NBEAL2: variants seen among roughly 807,000 people sequenced by gnomAD.
NBEAL2 encodes neurobeachin-like protein 2.
Under a neutral mutation model 299.8 loss-of-function variants are expected in NBEAL2, and 160 were observed. The observed-to-expected ratio is 0.53, with a 90% CI of 0.47 to 0.61. NBEAL2 has a LOEUF of 0.61. Ranked by LOEUF, NBEAL2 falls within the 20% of genes least tolerant of loss-of-function variation. The pLI is 0.00. For missense variants in NBEAL2, 3,112 were observed against 3,649.0 expected (o/e 0.85, Z 3.79); for synonymous variants, 1,493 against 1,542.3 (o/e 0.97, Z 0.75).
chr3:47,000,487 C>T lies in NBEAL2; in HGVS notation c.4305+83C>T, dbSNP rs2036894899. ...CACAGGGCTGGCAGTGTAGCCTCTC[C>T]AAAGGTGTGGCCCTGTCTGACCAGG... On this transcript the variant is annotated intron_variant, in intron 27 of 53. Transcript: ENST00000450053. The surrounding 1 kb of genome is among the most constrained non-coding windows in gnomAD (Gnocchi z 4.5). The T allele has an allele frequency of 2.7e-6, 4 of 1,500,364 alleles. No individual in the cohort carries two copies. The allele number at this position is 1,500,364 out of a possible 1,614,324, so 92.9% of individuals were successfully genotyped here.
Position 46,999,626 on chromosome 3 carries a change from C to T in NBEAL2, c.3704-4C>T, listed in dbSNP as rs201388862. On this transcript the variant is annotated splice_polypyrimidine_tract_variant and splice_region_variant and intron_variant, in intron 25 of 53. Coordinates refer to ENST00000450053, the MANE Select transcript of NBEAL2 (RefSeq NM_015175.3). ...CCTCAGGTCCCCCCAACCCATCCCC[C>T]CAGATTGCCTGAACCTCTCAGATCT... The T allele has an allele frequency of 3.7e-6, 6 of 1,609,652 alleles. No homozygotes were observed. The Admixed American group carries it at 8.3e-5, about 22-fold the overall frequency.
chr3:46,993,907 C>A, intron 10 of NBEAL2, 30 bp from the exon 11 acceptor site: 6 of 1,589,630 alleles, frequency 3.8e-6, no homozygotes, highest in Non-Finnish European at 5.1e-6. Context: ...CTGGCCCCTG[C>A]CTCTCCTGAT....
At chr3:46,992,452 T>A in intron 9 of NBEAL2, 23 bp from the exon 10 acceptor site, 1 of 1,591,664 alleles carries the variant, frequency 6.3e-7, no homozygotes, top group Admixed American at 1.7e-5. Context: ...TCCTCCACCC[T>A]GTGCCTCCCC....
rs757198814 is a variant in NBEAL2 at position 47,007,565 on chromosome 3, G to C, written c.7375G>C (p.Gly2459Arg). The C allele has an allele frequency of 1.2e-6, 2 of 1,612,438 alleles. No individual in the cohort carries two copies. The highest frequency in any genetic ancestry group is 3.3e-5 in the Admixed American group (2 of 59,912). ...LLSGPWVPGS[G>R]VSGQALAVAP... Reference sequence around the variant, plus strand: ...GAGTGGCCCGTGGGTGCCAGGCAGTGGTGTGAGTGGACAAGCACTGGCAGT... The same window carrying C: ...GAGTGGCCCGTGGGTGCCAGGCAGTCGTGTGAGTGGACAAGCACTGGCAGT... Residue 2459 changes from glycine to arginine, a missense_variant, in exon 48 of 54, where the codon GGT becomes CGT. Around this residue, in one of 3 missense-constraint regions of NBEAL2, gnomAD observed 521 missense variants for 729.6 expected, o/e 0.71. Transcript: ENST00000450053.
At position 46,989,288 on chromosome 3, in the gene NBEAL2, G is replaced by A. The variant is rs376604123; in HGVS notation, c.380G>A (p.Arg127Gln). The A allele has an allele frequency of 3.9e-5, 63 of 1,609,258 alleles. No homozygotes were observed. The highest frequency in any genetic ancestry group is 1.1e-4 in the African/African-American group (8 of 74,940). ...ELKGCPPPQG[R>Q]GTQLENVALH... ...AAAGGATGCCCACCACCCCAGGGCCGAGGCACGCAGTTGGAGAATGTGGCC... is the reference window on the plus strand; with the variant it reads ...AAAGGATGCCCACCACCCCAGGGCCAAGGCACGCAGTTGGAGAATGTGGCC... Residue 127 changes from arginine to glutamine, a missense_variant, in exon 5 of 54, where the codon CGA becomes CAA. Transcript: ENST00000450053. This position sits in a 1 kb window ranked among gnomAD's most constrained non-coding sequence, Gnocchi z 5.5.
At position 47,001,891 on chromosome 3, in the gene NBEAL2, G is replaced by T; in HGVS notation, c.4783-29G>T. On this transcript the variant is annotated intron_variant, in intron 30 of 53. Coordinates refer to ENST00000450053, the MANE Select transcript of NBEAL2 (RefSeq NM_015175.3). This position sits in a 1 kb window ranked among gnomAD's most constrained non-coding sequence, Gnocchi z 6.1. ...ATGTCGGGAGCTCCAAGAGTGGCTGGGTGCCACTCATCTCTCTTGCGCCCA... is the reference window on the plus strand; with the variant it reads ...ATGTCGGGAGCTCCAAGAGTGGCTGTGTGCCACTCATCTCTCTTGCGCCCA... 1 of 1,606,678 alleles carries T rather than the reference G, an allele frequency of 6.2e-7. No individual in the cohort carries two copies. The highest frequency in any genetic ancestry group is 8.5e-7 in the Non-Finnish European group (1 of 1,174,622).
rs773082746 is a variant in NBEAL2 at position 46,988,586 on chromosome 3, G to A, written c.52-83G>A. ...CTCTGTCCACCTCCATTCATTCTTC[G>A]CCTCTGTCTACATCCCCTTGTCCCT... is the stretch of plus-strand genomic sequence containing the variant. On this transcript the variant is annotated intron_variant, in intron 1 of 53. Transcript: ENST00000450053. This position sits in a 1 kb window ranked among gnomAD's most constrained non-coding sequence, Gnocchi z 4.4. The A allele has an allele frequency of 9.5e-6, 11 of 1,163,866 alleles. No individual in the cohort carries two copies. Among genetic ancestry groups the A allele is most frequent in the Admixed American group, 3.6e-5 (2 of 54,796 alleles). The allele number at this position is 1,163,866 out of a possible 1,614,324, so 72.1% of individuals were successfully genotyped here. A position where few individuals can be genotyped will look rare whatever the true frequency, so the allele number is the denominator to read the frequency against.
At position 46,995,727 on chromosome 3, in the gene NBEAL2, A is replaced by G; in HGVS notation, c.1912A>G (p.Ser638Gly). The G allele has an allele frequency of 6.2e-7, 1 of 1,613,508 alleles. No homozygotes were observed. The highest frequency in any genetic ancestry group is 8.5e-7 in the Non-Finnish European group (1 of 1,179,728). The change falls in exon 14 of 54, where the codon AGC becomes GGC. Residue 638 changes from serine to glycine, a missense_variant. This residue lies in a region of NBEAL2 where 2,243 missense variants were observed against 2,538.1 expected (regional missense o/e 0.88). Coordinates refer to ENST00000450053, the MANE Select transcript of NBEAL2 (RefSeq NM_015175.3). ...GCCTGCCCCCAGCTTCTTTACCAGC[A>G]GCGGCTCAGGGTTTGAGGCCTTCTT... ...RKQLYSFFTS[S>G]GSGFEAFFTA...
chr3:46,988,127 A>G lies in NBEAL2; in HGVS notation c.52-542A>G. 4 of 1,132,088 alleles carry G rather than the reference A, an allele frequency of 3.5e-6. No homozygotes were observed. The highest frequency in any genetic ancestry group is 4.5e-6 in the Non-Finnish European group (4 of 891,652). 70.1% of individuals were successfully genotyped at this position (1,132,088 alleles called of 1,614,324 possible). On this transcript the variant is annotated intron_variant, in intron 1 of 53. Transcript: ENST00000450053. This position sits in a 1 kb window ranked among gnomAD's most constrained non-coding sequence, Gnocchi z 4.4. ...TTCCCGGGGCAAGGCAGGGCCGCACATGAGGATGTGCGCATGTCTGGGTCT... is the reference window on the plus strand; with the variant it reads ...TTCCCGGGGCAAGGCAGGGCCGCACGTGAGGATGTGCGCATGTCTGGGTCT...
rs374152907 is a variant in NBEAL2, at chr3:47,001,260, T to C, written c.4485-19T>C. 1 of 1,601,886 alleles carries C rather than the reference T, an allele frequency of 6.2e-7. No individual in the cohort carries two copies. The highest frequency in any genetic ancestry group is 8.5e-7 in the Non-Finnish European group (1 of 1,171,080). ...GAAGATAGTCAGGTAGACCCTTGAG[T>C]TCCCCACTCACCCGCCAGCCTCCTG... On this transcript the variant is annotated intron_variant, in intron 28 of 53. Coordinates refer to ENST00000450053, the MANE Select transcript of NBEAL2 (RefSeq NM_015175.3). The surrounding 1 kb of genome is among the most constrained non-coding windows in gnomAD (Gnocchi z 6.1).
At chr3:46,998,662 CCTCT>C in intron 22 of NBEAL2, 51 bp from the exon 23 acceptor site, 3 of 1,553,412 alleles carry the variant, frequency 1.9e-6, no homozygotes, top group South Asian at 1.2e-5. Context: ...ACCTGCCCAC[CCTCT>C]CTCCCCGCCT....
rs770761759 is a variant in NBEAL2 at position 46,996,800 on chromosome 3, C to T, written c.2523C>T (p.Leu841=). The change falls in exon 17 of 54, where the codon CTC becomes CTT. Residue 841 remains leucine, a synonymous_variant. Coordinates refer to ENST00000450053, the MANE Select transcript of NBEAL2 (RefSeq NM_015175.3). ...PFKPEGELHE[L]STRLLLHYSP... ...AGCCTGAGGGGGAGCTGCATGAGCT[C>T]AGCACCAGGCTGCTCCTCCATTACT... The T allele has an allele frequency of 6.8e-6, 11 of 1,612,688 alleles. No individual in the cohort carries two copies. In the South Asian group the frequency reaches 1.1e-4, roughly 16 times the overall value.
chr3:46,993,859 C>A, intron 10 of NBEAL2, 78 bp from the exon 11 acceptor site: 1 of 1,340,244 alleles, frequency 7.5e-7, no homozygotes, highest in Non-Finnish European at 1.0e-6. Context: ...CTTGGCTCTG[C>A]ACCTTTTTTA....
rs776914702 is a variant in NBEAL2, at chr3:46,996,525, G to A, written c.2406G>A (p.Glu802=). ...GCAGCCCCACATCCCTGGAGGGTGAGCTGGGGGCTGTGGCCATCTTTCACG... is the reference window on the plus strand; with the variant it reads ...GCAGCCCCACATCCCTGGAGGGTGAACTGGGGGCTGTGGCCATCTTTCACG... ...RWGSPTSLEG[E]LGAVAIFHEA... Residue 802 remains glutamate, a synonymous_variant, in exon 16 of 54, where the codon GAG becomes GAA. Transcript: ENST00000450053. The A allele has an allele frequency of 6.4e-7, 1 of 1,555,986 alleles. No individual in the cohort carries two copies. The highest frequency in any genetic ancestry group is 2.3e-5 in the East Asian group (1 of 43,840).
rs778348194 is a variant in NBEAL2 at position 46,995,114 on chromosome 3, C to T, written c.1379C>T (p.Pro460Leu). The T allele has an allele frequency of 7.6e-6, 12 of 1,573,262 alleles. No homozygotes were observed. The highest frequency in any genetic ancestry group is 1.4e-5 in the African/African-American group (1 of 73,946). The change falls in exon 13 of 54, where the codon CCG becomes CTG. Residue 460 changes from proline to leucine, a missense_variant. This residue lies in a region of NBEAL2 where 2,243 missense variants were observed against 2,538.1 expected (regional missense o/e 0.88). Transcript: ENST00000450053. ...GTACTGGTGCTGGCGCAGTGGCTGC[C>T]GTCATTGCCCACCGCTGAGCTGCGG... ...QPVLVLAQWL[P>L]SLPTAELRLF...
In NBEAL2 at chr3:46,993,970, C is replaced by G. The variant is rs373692683; in HGVS notation, c.1147C>G (p.His383Asp). Residue 383 changes from histidine (H) to aspartate (D), a missense_variant, in exon 11 of 54, where the codon CAT (histidine) becomes GAT (aspartate). Physicochemically the swap from His to Asp is moderately conservative, Grantham distance 81. Coordinates refer to ENST00000450053, the MANE Select transcript of NBEAL2 (RefSeq NM_015175.3). ...LDQDTDAIAV[H>D]VVRVLTCIMS... ...CCAAGACACAGACGCCATTGCAGTC[C>G]ATGTAGTCAGAGTGCTGACCTGCAT... The G allele has an allele frequency of 5.6e-6, 9 of 1,611,990 alleles. No homozygotes were observed. The highest frequency in any genetic ancestry group is 7.6e-6 in the Non-Finnish European group (9 of 1,179,312).
chr3:46,997,067 G>A (rs779743660), intron 18 of NBEAL2, 21 bp downstream of exon 18: 5 of 1,605,326 alleles, frequency 3.1e-6, no homozygotes, highest in South Asian at 1.1e-5. Context: ...ACGTGTGGGT[G>A]GTGTGTGCAG....
At position 47,001,781 on chromosome 3, in the gene NBEAL2, T is replaced by G; in HGVS notation, c.4737T>G (p.Ile1579Met). 6.2e-7 allele frequency: 1 copy of G among 1,613,900 alleles called. No homozygotes were observed. The highest frequency in any genetic ancestry group is 1.3e-5 in the African/African-American group (1 of 75,050). ...CTGATCTCCGTGAGATGGCGCAGATTGGCCTACGGCTTGTACTTGGCTACA... is the reference window on the plus strand; with the variant it reads ...CTGATCTCCGTGAGATGGCGCAGATGGGCCTACGGCTTGTACTTGGCTACA... ...GTADLREMAQIGLRLVLGYIL... is the reference protein window; with the variant it reads ...GTADLREMAQMGLRLVLGYIL... The change falls in exon 30 of 54, where the codon ATT becomes ATG. Residue 1579 changes from isoleucine to methionine, a missense_variant. By Grantham distance (10) the Ile-to-Met change is conservative. This residue lies in a region of NBEAL2 where 2,243 missense variants were observed against 2,538.1 expected (regional missense o/e 0.88). Transcript: ENST00000450053. This position sits in a 1 kb window ranked among gnomAD's most constrained non-coding sequence, Gnocchi z 6.1.
rs755676727 is a variant in NBEAL2 at position 46,992,462 on chromosome 3, C to T, written c.1033-13C>T. 1 of 1,601,556 alleles carries T rather than the reference C, an allele frequency of 6.2e-7. No individual in the cohort carries two copies. Among genetic ancestry groups the T allele is most frequent in the Admixed American group, 1.7e-5 (1 of 58,840 alleles). On this transcript the variant is annotated splice_polypyrimidine_tract_variant and intron_variant, in intron 9 of 53. Coordinates refer to ENST00000450053, the MANE Select transcript of NBEAL2 (RefSeq NM_015175.3). Reference sequence around the variant, plus strand: ...TTGCCTCCTCCACCCTGTGCCTCCCCACTTCCCCACAGCTGTACCTGCAGT... The same window carrying T: ...TTGCCTCCTCCACCCTGTGCCTCCCTACTTCCCCACAGCTGTACCTGCAGT...
Sources: allele counts gnomAD v4.1 joint callset, GRCh38; gene constraint gnomAD v4.1.1; regional missense constraint gnomAD v4.1.1; non-coding constraint Gnocchi (gnomAD v3.1); transcripts MANE v1.5; gene names NCBI Gene and HGNC (gene_info 2026-07-23, HGNC 2026-07-21).